FSD2: variants seen among roughly 807,000 people sequenced by gnomAD.
FSD2 encodes the protein fibronectin type III and SPRY domain containing 2.
In FSD2, 71 loss-of-function variants were observed where a neutral mutation model predicts 80.4. The observed-to-expected ratio is 0.88, with a 90% CI of 0.73 to 1.08. FSD2 has a LOEUF of 1.08. Ranked by LOEUF, FSD2 falls within the 50% of genes least tolerant of loss-of-function variation. The pLI, the probability that FSD2 is intolerant of heterozygous loss-of-function variation, is 0.00. For missense variants in FSD2, 923 were observed against 913.8 expected, an observed-to-expected ratio of 1.01 and a Z score of -0.13; for synonymous variants, 361 against 329.5, an observed-to-expected ratio of 1.10 and a Z score of -1.03.
intron 6 of FSD2, among the ~76,000 whole-genome samples, chr15:82,774,421 T>C (rs576412328): frequency 3.3e-5 from 5 of 152,328 alleles, no homozygotes; most frequent in Admixed American, 3.3e-4. Flanking sequence ...TAATATGTTG[T>C]ACATAAGTTT....
At chr15:82,769,639 G>T in intron 8 of FSD2, 111 bp downstream of exon 8, 1 of 1,283,358 alleles carries the variant, frequency 7.8e-7, no homozygotes. Context: ...AATGTACACA[G>T]CTCTTCCTAC....
intron 6 of FSD2, among the ~76,000 whole-genome samples, chr15:82,773,237 G>A (rs142530141): frequency 3.5e-4 from 53 of 152,358 alleles, no homozygotes; most frequent in African/African-American, 1.2e-3. Flanking sequence ...ATCAACCCAT[G>A]TAAGAGCACA....
chr15:82,766,190 C>T (rs991414417), intron 9 of FSD2, among the ~76,000 whole-genome samples, 159 bp from the exon 10 acceptor site: 2 of 152,204 alleles, frequency 1.3e-5, no homozygotes, highest in African/African-American at 4.8e-5. Context: ...GGCTCCCCCT[C>T]TGCATTCCCT....
chr15:82,778,157 T>TATATATATATATATATATATAA (rs558795727), intron 6 of FSD2, among the ~76,000 whole-genome samples: 1 of 129,890 alleles, frequency 7.7e-6, no homozygotes, highest in African/African-American at 3.2e-5. Flanking sequence ...TATATATATA[T>TATATATATATATATATATATAA]AATAACTATT....
chr15:82,765,218 C>T lies in FSD2; in HGVS notation c.1768G>A (p.Glu590Lys), dbSNP rs779169537. Residue 590 changes from glutamate to lysine, a missense_variant, in exon 11 of 13, where the codon GAA becomes AAA. Coordinates refer to ENST00000334574, the MANE Select transcript of FSD2 (RefSeq NM_001007122.4). ...SEDGLTAVRS[E>K]RRTPARELSP... Reference sequence around the variant, plus strand: ...AGCTCCCTGGCGGGGGTTCTCCTTTCACTTCGTACAGCCGTAAGTCCGTCT... The same window carrying T: ...AGCTCCCTGGCGGGGGTTCTCCTTTTACTTCGTACAGCCGTAAGTCCGTCT... The T allele has an allele frequency of 6.2e-7, 1 of 1,610,444 alleles. No homozygotes were observed. The highest frequency in any genetic ancestry group is 1.3e-5 in the African/African-American group (1 of 74,850).
intron 1 of FSD2, among the ~76,000 whole-genome samples, chr15:82,791,666 C>T (rs1024109615): frequency 6.6e-6 from 1 of 152,150 alleles, no homozygotes; most frequent in Non-Finnish European, 1.5e-5. Flanking sequence ...GCCACTGCGC[C>T]CGGCTGTAAT....
rs2049646541 is a variant in FSD2 at position 82,773,828 on chromosome 15, T to C, written c.1112-1600A>G. 2.6e-5 allele frequency among the ~76,000 whole-genome samples: 4 copies of C among 152,334 alleles called. No homozygotes were observed. In the South Asian group the frequency reaches 6.2e-4, roughly 24 times the overall value. On this transcript the variant is annotated intron_variant, in intron 6 of 12. Transcript: ENST00000334574. ...AAAATATGTAGGCACTAAAGTGATA[T>C]TGCAAAAGAATTTATCAGGGTGAGA... is the stretch of plus-strand genomic sequence containing the variant.
At chr15:82,781,040 GA>G (rs1231717666) in intron 4 of FSD2, among the ~76,000 whole-genome samples, 1 of 152,036 alleles carries the variant, frequency 6.6e-6, no homozygotes, top group Non-Finnish European at 1.5e-5. Flanking sequence ...TGTCTCAAAA[GA>G]AAAACCAACA....
rs377052964 is a variant in FSD2, at chr15:82,787,376, C to T, written c.15G>A (p.Ser5=). 79 of 1,605,740 alleles carry T rather than the reference C, an allele frequency of 4.9e-5. No individual in the cohort carries two copies. The highest frequency in any genetic ancestry group is 8.0e-5 in the African/African-American group (6 of 74,698). ...ACCTGTCCAGCCCCAGTTCCTCCCC[C>T]GATTCCTCCTCCATTGTAACTCTGG... is the stretch of plus-strand genomic sequence containing the variant. MEEE[S]GEELGLDRST... Residue 5 remains serine (S), a synonymous_variant, in exon 2 of 13, where the codon TCG becomes TCA. Coordinates refer to ENST00000334574, the MANE Select transcript of FSD2 (RefSeq NM_001007122.4).
intron 12 of FSD2, 76 bp downstream of exon 12, chr15:82,762,026 T>A: frequency 8.3e-7 from 1 of 1,198,154 alleles, no homozygotes; most frequent in Non-Finnish European, 1.1e-6. Context: ...TGTGTCTTAA[T>A]TATTGCTAGT....
chr15:82,782,791 T>C lies in FSD2; in HGVS notation c.966+4A>G. 6.3e-7 allele frequency: 1 copy of C among 1,581,082 alleles called. No homozygotes were observed. Among genetic ancestry groups the C allele is most frequent in the Non-Finnish European group, 8.6e-7 (1 of 1,156,766 alleles). ...TCATTATTTCATTTTGTTTCATTAC[T>C]GACCTTTATGAAATCCACCTTCTCC... On this transcript the variant is annotated splice_donor_region_variant and intron_variant, in intron 4 of 12. Coordinates refer to ENST00000334574, the MANE Select transcript of FSD2 (RefSeq NM_001007122.4).
rs948849631 is a variant in FSD2, at chr15:82,776,724, T to TA, written c.1111+2041dup. On this transcript the variant is annotated intron_variant, in intron 6 of 12. Transcript: ENST00000334574. ...ATCCCAACAGCATTTTTTACAGAAA[T>TA]AAAAAAAAAATCCCCAAATGTATAT... Among the ~76,000 whole-genome samples, 53 of 148,526 alleles carry TA rather than the reference T, an allele frequency of 3.6e-4. 1 individual carries two copies. Among genetic ancestry groups the TA allele is most frequent in the South Asian group, 4.3e-4 (2 of 4,682 alleles).
Position 82,765,237 on chromosome 15 carries a change from T to G in FSD2, c.1749A>C (p.Gly583=), listed in dbSNP as rs536848631. 441 of 1,612,872 alleles carry G rather than the reference T, an allele frequency of 2.7e-4. 6 individuals are homozygous for G. The South Asian group carries it at 4.6e-3, about 17-fold the overall frequency. ...CHPWLTISED[G]LTAVRSERRT... ...TCCTTTCACTTCGTACAGCCGTAAG[T>G]CCGTCTTCAGAAATGGTCAGCCAGG... Residue 583 remains glycine, a synonymous_variant, in exon 11 of 13, where the codon GGA becomes GGC. Coordinates refer to ENST00000334574, the MANE Select transcript of FSD2 (RefSeq NM_001007122.4).
chr15:82,805,289 C>T (rs923514506), intron 1 of FSD2, among the ~76,000 whole-genome samples: 7 of 152,004 alleles, frequency 4.6e-5, no homozygotes. Context: ...TCTACTGAAA[C>T]CTGTGAATTC....
At position 82,756,027 on chromosome 15, in the gene FSD2, C is replaced by G. The variant is rs752551148; in HGVS notation, c.*3321G>C. 5 of 510,162 alleles carry G rather than the reference C, an allele frequency of 9.8e-6. No individual in the cohort carries two copies. The East Asian group carries it at 2.7e-4, about 28-fold the overall frequency. 31.6% of individuals were successfully genotyped at this position (510,162 alleles called of 1,614,324 possible). On this transcript the variant is annotated 3_prime_UTR_variant, in exon 13 of 13. Coordinates refer to ENST00000334574, the MANE Select transcript of FSD2 (RefSeq NM_001007122.4). ...AAATGAAAAGGTAGATAGAACAGGT[C>G]TTGTTTGCAAAATAAATTCAAGACC...
intron 6 of FSD2, among the ~76,000 whole-genome samples, chr15:82,777,429 A>G (rs950659504): frequency 1.3e-5 from 2 of 152,240 alleles, no homozygotes; most frequent in African/African-American, 4.8e-5. Flanking sequence ...TATTTCCCCA[A>G]AGAAGACATA....
intron 12 of FSD2, 48 bp downstream of exon 12, chr15:82,762,054 A>G: frequency 6.8e-7 from 1 of 1,463,724 alleles, no homozygotes; most frequent in Non-Finnish European, 9.2e-7. Flanking sequence ...TCTTGCTGTA[A>G]TCTTTCAAAA....
chr15:82,787,248 T>G lies in FSD2; in HGVS notation c.143A>C (p.Gln48Pro). 2 of 1,613,936 alleles carry G rather than the reference T, an allele frequency of 1.2e-6. No homozygotes were observed. The highest frequency in any genetic ancestry group is 2.2e-5 in the South Asian group (2 of 91,072). Residue 48 changes from glutamine (Q) to proline (P), a missense_variant, in exon 2 of 13, where the codon CAA becomes CCA. Transcript: ENST00000334574. The stretch of plus-strand genomic sequence containing the variant: ...TCTTGACTCATTGGCCATTTCAGCT[T>G]GGACTACTTTCCTCATCCTAGTGTT... ...EENTRMRKVVQAEMANESRGA... is the reference protein window; with the variant it reads ...EENTRMRKVVPAEMANESRGA...
chr15:82,779,738 C>T (rs12913102), intron 5 of FSD2, among the ~76,000 whole-genome samples: 69,949 of 151,436 alleles, frequency 0.46, 16,112 homozygotes, highest in Admixed American at 0.5. Flanking sequence ...ATTATGAAAT[C>T]TCTATGTTCA....
Sources: gnomAD v4.1 joint callset for allele counts (sites outside exome capture counted in the v4.1 genomes callset) on GRCh38, gnomAD v4.1.1 for gene constraint, MANE v1.5 for transcripts, NCBI Gene and HGNC (gene_info 2026-07-23, HGNC 2026-07-21) for gene names.